The following SMYD3 variants were observed in gnomAD, a reference collection of about 807,000 sequenced individuals.
SMYD3 encodes histone-lysine N-methyltransferase SMYD3.
Under a neutral mutation model 57.7 loss-of-function variants are expected in SMYD3, and 36 were observed. The observed-to-expected ratio is 0.62, with a 90% confidence interval of 0.48 to 0.82. The LOEUF (loss-of-function observed/expected upper bound fraction) is 0.82, where lower values mean the gene tolerates loss of function less well. Ranked by LOEUF, SMYD3 falls within the 40% of genes least tolerant of loss-of-function variation. SMYD3 has a pLI of 0.00. For synonymous variants in SMYD3, 211 were observed against 195.0 expected (o/e 1.08, Z -0.68); for missense variants, 515 against 538.8 (o/e 0.96, Z 0.44).
chr1:245,891,813 C>T (rs912739265), intron 8 of SMYD3, among the ~76,000 whole-genome samples: 1 of 152,180 alleles, frequency 6.6e-6, no homozygotes, highest in African/African-American at 2.4e-5. Context: ...GAGGCAGAGG[C>T]AGGAGGACTG....
intron 5 of SMYD3, among the ~76,000 whole-genome samples, chr1:245,981,293 T>A (rs1266847425): frequency 6.6e-6 from 1 of 152,178 alleles, no homozygotes; most frequent in Non-Finnish European, 1.5e-5. Flanking sequence ...TCTGCCCTTT[T>A]TGAGAGGATG....
At chr1:246,366,681 C>A (rs563301816) in intron 1 of SMYD3, among the ~76,000 whole-genome samples, 1 of 151,826 alleles carries the variant, frequency 6.6e-6, no homozygotes, top group Non-Finnish European at 1.5e-5. Flanking sequence ...CGGTAGCTCA[C>A]GCCTGTAATC....
At chr1:246,392,344 TAAC>T (rs1279384335) in intron 1 of SMYD3, among the ~76,000 whole-genome samples, 1 of 152,102 alleles carries the variant, frequency 6.6e-6, no homozygotes, top group Non-Finnish European at 1.5e-5. Flanking sequence ...TAGGCAATAA[TAAC>T]AATAATAACC....
chr1:245,760,128 A>G (rs1406887339), intron 11 of SMYD3, among the ~76,000 whole-genome samples: 1 of 152,216 alleles, frequency 6.6e-6, no homozygotes, highest in Non-Finnish European at 1.5e-5. Context: ...ACCAAATCAG[A>G]GCTGGGCTAA....
intron 2 of SMYD3, among the ~76,000 whole-genome samples, chr1:246,345,435 C>G (rs1054621093): frequency 2.0e-5 from 3 of 151,922 alleles, no homozygotes; most frequent in African/African-American, 7.3e-5. Context: ...TTTGAAATAC[C>G]TGGGACCAGA....
rs200708122 is a variant in SMYD3, at chr1:246,265,446, G to GT, written c.531+61754dup. Among the ~76,000 whole-genome samples the GT allele has an allele frequency of 4.1e-3, 617 of 151,744 alleles. 5 individuals carry two copies. Among genetic ancestry groups the GT allele is most frequent in the African/African-American group, 0.014 (586 of 41,350 alleles). On this transcript the variant is annotated intron_variant, in intron 5 of 11. Coordinates refer to ENST00000490107, the MANE Select transcript of SMYD3 (RefSeq NM_001167740.2). ...GAGCCACTATATCCAGTTCTGCTTC[G>GT]TTTTTTTTGTTGTTGTTGTTTGTTT... is the stretch of plus-strand genomic sequence containing the variant.
intron 10 of SMYD3, among the ~76,000 whole-genome samples, chr1:245,830,834 C>A (rs1341159932): frequency 6.6e-6 from 1 of 152,152 alleles, no homozygotes; most frequent in African/African-American, 2.4e-5. Flanking sequence ...ACAGGTATTT[C>A]TTTCTTCTTC....
chr1:246,349,566 C>A (rs537832366), intron 2 of SMYD3, among the ~76,000 whole-genome samples: 2 of 151,752 alleles, frequency 1.3e-5, no homozygotes, highest in East Asian at 3.9e-4. Context: ...GGTGTTCAGG[C>A]CACTGCACTC....
rs1369067245 is a variant in SMYD3, at chr1:245,856,451, T to C, written c.1076+2045A>G. ...AGAACACAGCACACACTTAAAGAGA[T>C]TGTGACCTGCCAAACACCATGTAAA... is the stretch of plus-strand genomic sequence containing the variant. On this transcript the variant is annotated intron_variant, in intron 10 of 11. Coordinates refer to ENST00000490107, the MANE Select transcript of SMYD3 (RefSeq NM_001167740.2). 3.3e-5 allele frequency among the ~76,000 whole-genome samples: 5 copies of C among 152,168 alleles called. No homozygotes were observed. The South Asian group carries it at 8.3e-4, about 25-fold the overall frequency.
At chr1:246,369,968 C>T (rs1411899256) in intron 1 of SMYD3, among the ~76,000 whole-genome samples, 2 of 152,146 alleles carry the variant, frequency 1.3e-5, no homozygotes, top group Non-Finnish European at 2.9e-5. Flanking sequence ...ACCATACCTT[C>T]CTAGGAGAAA....
chr1:246,494,296 A>G (rs2068323286), intron 1 of SMYD3, among the ~76,000 whole-genome samples: 1 of 152,196 alleles, frequency 6.6e-6, no homozygotes, highest in South Asian at 2.1e-4. Context: ...ATGTATGCAC[A>G]TTTCCCAATT....
intron 1 of SMYD3, among the ~76,000 whole-genome samples, chr1:246,420,148 G>T (rs933410918): frequency 1.3e-5 from 2 of 151,538 alleles, no homozygotes; most frequent in African/African-American, 4.9e-5. Context: ...GCAGTGAGCT[G>T]AGATTGTGCC....
chr1:246,328,294 A>T (rs1041112360), intron 4 of SMYD3, among the ~76,000 whole-genome samples: 1 of 152,112 alleles, frequency 6.6e-6, no homozygotes, highest in Non-Finnish European at 1.5e-5. Context: ...CGCCAATACT[A>T]CCCCCTTAAA....
chr1:245,792,939 G>C (rs533638908), intron 10 of SMYD3, among the ~76,000 whole-genome samples: 2 of 152,144 alleles, frequency 1.3e-5, no homozygotes, highest in African/African-American at 4.8e-5. Flanking sequence ...ACACTGTGCT[G>C]AAAGTAAGAA....
intron 5 of SMYD3, among the ~76,000 whole-genome samples, chr1:246,316,272 A>G (rs1161586196): frequency 6.6e-6 from 1 of 152,138 alleles, no homozygotes; most frequent in East Asian, 1.9e-4. Context: ...CTGTAGTCTC[A>G]GCTACTCAGG....
intron 10 of SMYD3, among the ~76,000 whole-genome samples, chr1:245,806,875 AGT>A (rs1553328317): frequency 4.5e-4 from 59 of 131,594 alleles, no homozygotes; most frequent in East Asian, 1.0e-3. Context: ...GCGCCACTGC[AGT>A]CCGCAATCCG....
intron 10 of SMYD3, among the ~76,000 whole-genome samples, chr1:245,806,832 C>G (rs1572390725): frequency 6.9e-6 from 1 of 144,212 alleles, no homozygotes; most frequent in Admixed American, 7.3e-5. Flanking sequence ...ATGGCGTGAA[C>G]CCGGGAGGCG....
At chr1:246,275,713 C>T (rs1011562160) in intron 5 of SMYD3, among the ~76,000 whole-genome samples, 1 of 151,606 alleles carries the variant, frequency 6.6e-6, no homozygotes, top group Non-Finnish European at 1.5e-5. Flanking sequence ...GCTGTATTAA[C>T]ACTGGCAAGT....
chr1:246,482,225 T>C (rs1168007993), intron 1 of SMYD3, among the ~76,000 whole-genome samples: 1 of 152,016 alleles, frequency 6.6e-6, no homozygotes, highest in African/African-American at 2.4e-5. Flanking sequence ...AGAGGTAAAA[T>C]GGTGGGTCAG....
Sources: allele counts gnomAD v4.1 joint callset (sites outside exome capture counted in the v4.1 genomes callset), GRCh38; gene constraint gnomAD v4.1.1; transcripts MANE v1.5; gene names NCBI Gene and HGNC (gene_info 2026-07-23, HGNC 2026-07-21).